The following ZFHX3 variants were observed in gnomAD, a reference collection of about 807,000 sequenced individuals.
ZFHX3 encodes zinc finger homeobox 3.
Under a neutral mutation model 279.1 loss-of-function variants are expected in ZFHX3, and 42 were observed. That is an observed-to-expected ratio of 0.15 (90% CI 0.12 to 0.19). ZFHX3 has a LOEUF of 0.19. Ranked by LOEUF, ZFHX3 falls within the 10% of genes least tolerant of loss-of-function variation. The pLI, the probability that ZFHX3 is intolerant of heterozygous loss-of-function variation, is 1.00. For synonymous variants in ZFHX3, 2,293 were observed against 1,957.8 expected (o/e 1.17, Z -4.52); for missense variants, 4,981 against 4,754.0 (o/e 1.05, Z -1.40).
intron 2 of ZFHX3, among the ~76,000 whole-genome samples, chr16:73,511,153 T>G (rs1470287255): frequency 6.6e-6 from 1 of 152,170 alleles, no homozygotes; most frequent in African/African-American, 2.4e-5. Context: ...GCTTCTACCT[T>G]TTATTATCTG....
At chr16:72,948,470 C>A (rs1960813912) in intron 3 of ZFHX3, among the ~76,000 whole-genome samples, 1 of 152,194 alleles carries the variant, frequency 6.6e-6, no homozygotes, top group Admixed American at 6.5e-5. Context: ...CTTCCAACCA[C>A]ACCTCACCCT....
intron 1 of ZFHX3, among the ~76,000 whole-genome samples, chr16:73,725,540 A>AGT (rs35247672): frequency 0.03 from 4,512 of 148,300 alleles, 243 homozygotes; most frequent in African/African-American, 0.1. Context: ...AGTGTGAGTG[A>AGT]GTGTGTGTGT....
chr16:73,469,627 A>AT (rs763176124), intron 2 of ZFHX3, among the ~76,000 whole-genome samples: 103 of 149,978 alleles, frequency 6.9e-4, no homozygotes, highest in Admixed American at 1.2e-3. Flanking sequence ...ATATATATAT[A>AT]TTTTTTTTGA....
chr16:73,433,627 A>G (rs1354905251), intron 3 of ZFHX3, among the ~76,000 whole-genome samples: 1 of 152,178 alleles, frequency 6.6e-6, no homozygotes, highest in Non-Finnish European at 1.5e-5. Flanking sequence ...GCATACACAC[A>G]GGGGGACCAT....
intron 2 of ZFHX3, among the ~76,000 whole-genome samples, chr16:73,458,462 G>A (rs974691278): frequency 1.0e-4 from 15 of 150,170 alleles, no homozygotes; most frequent in African/African-American, 2.5e-4. Flanking sequence ...TGCAACCTCC[G>A]CCTCCCGGGT....
intron 2 of ZFHX3, among the ~76,000 whole-genome samples, chr16:73,589,839 A>C (rs2051975532): frequency 6.6e-6 from 1 of 151,944 alleles, no homozygotes; most frequent in East Asian, 1.9e-4. Flanking sequence ...ATAAACTAGA[A>C]ATGCAATGCC....
At chr16:73,880,120 T>C (rs2030094730) in intron 1 of ZFHX3, among the ~76,000 whole-genome samples, 1 of 152,058 alleles carries the variant, frequency 6.6e-6, no homozygotes, top group Non-Finnish European at 1.5e-5. Flanking sequence ...TTCCTGACCT[T>C]TCCAAAGGCC....
intron 2 of ZFHX3, among the ~76,000 whole-genome samples, chr16:73,494,973 C>T (rs935389855): frequency 6.6e-6 from 1 of 152,156 alleles, no homozygotes; most frequent in African/African-American, 2.4e-5. Flanking sequence ...TGTTGAGTTC[C>T]ACTCGCCTTG....
At chr16:73,564,275 C>T (rs1207785489) in intron 2 of ZFHX3, among the ~76,000 whole-genome samples, 2 of 152,146 alleles carry the variant, frequency 1.3e-5, no homozygotes, top group African/African-American at 2.4e-5. Context: ...CCCCAGGTGC[C>T]CTGGGCCAAG....
chr16:73,353,342 C>T (rs965793398), intron 3 of ZFHX3, among the ~76,000 whole-genome samples: 1 of 152,200 alleles, frequency 6.6e-6, no homozygotes, highest in Non-Finnish European at 1.5e-5. Flanking sequence ...GCAAGGACTG[C>T]CATCCATTTA....
chr16:73,056,940 G>C (rs1965568892), intron 1 of ZFHX3, among the ~76,000 whole-genome samples: 1 of 152,170 alleles, frequency 6.6e-6, no homozygotes, highest in South Asian at 2.1e-4. Flanking sequence ...GAAAGGGCTC[G>C]AGTCTTTTTT....
At chr16:72,880,000 T>A (rs1442886157) in intron 4 of ZFHX3, among the ~76,000 whole-genome samples, 1 of 152,076 alleles carries the variant, frequency 6.6e-6, no homozygotes, top group Admixed American at 6.5e-5. Context: ...CTAACAAGTG[T>A]CTTTGAGCAC....
intron 1 of ZFHX3, among the ~76,000 whole-genome samples, chr16:73,043,614 G>A (rs189129578): frequency 7.2e-5 from 11 of 152,236 alleles, no homozygotes; most frequent in Non-Finnish European, 1.3e-4. Flanking sequence ...CCTAGACCAC[G>A]GCCTTGTCCT....
chr16:73,412,921 A>G (rs557238850), intron 3 of ZFHX3, among the ~76,000 whole-genome samples: 4 of 152,206 alleles, frequency 2.6e-5, no homozygotes, highest in Non-Finnish European at 4.4e-5. Context: ...GAAGAGCAAT[A>G]ATACAGATGC....
intron 1 of ZFHX3, among the ~76,000 whole-genome samples, chr16:73,688,372 A>AAG (rs2053113411): frequency 1.3e-5 from 2 of 151,766 alleles, no homozygotes; most frequent in South Asian, 4.2e-4. Flanking sequence ...AAAAAAAAAA[A>AAG]AAATTGTATC....
In ZFHX3 at chr16:72,797,069, G is replaced by C. The variant is rs777963608; in HGVS notation, c.5613C>G (p.Ser1871Arg). ...ATTTGTTCTTCTTTTCGGGGTGCTG[G>C]CTTGGCTGAAGGAGGGCAGAGTGAC... is the stretch of plus-strand genomic sequence containing the variant. ...AQSHSALLQP[S>R]QHPEKKNKLV... The change falls in exon 9 of 10, where the codon AGC becomes AGG. Residue 1871 changes from serine to arginine, a missense_variant. By Grantham distance (110) the Ser-to-Arg change is moderately radical. This residue lies in a region of ZFHX3 where 1,751 missense variants were observed against 1,770.0 expected (regional missense o/e 0.99). Coordinates refer to ENST00000268489, the MANE Select transcript of ZFHX3 (RefSeq NM_006885.4). The C allele has an allele frequency of 6.2e-7, 1 of 1,613,924 alleles. No homozygotes were observed. The highest frequency in any genetic ancestry group is 8.5e-7 in the Non-Finnish European group (1 of 1,179,994).
At chr16:73,352,879 G>A (rs373444896) in intron 3 of ZFHX3, among the ~76,000 whole-genome samples, 6 of 152,236 alleles carry the variant, frequency 3.9e-5, no homozygotes, top group Non-Finnish European at 7.4e-5. Context: ...TCAATCAGCC[G>A]TGCTATCCAG....
At chr16:73,419,424 C>G (rs944439805) in intron 3 of ZFHX3, among the ~76,000 whole-genome samples, 4 of 152,142 alleles carry the variant, frequency 2.6e-5, no homozygotes, top group East Asian at 3.8e-4. Context: ...ATGTAACATT[C>G]CTTTGCTTAA....
chr16:73,089,149 G>T (rs1966043196), intron 8 of ZFHX3, among the ~76,000 whole-genome samples: 1 of 151,966 alleles, frequency 6.6e-6, no homozygotes. Flanking sequence ...TGTCGCCCAG[G>T]CTGGAGTGCA....
Sources: allele counts gnomAD v4.1 joint callset (sites outside exome capture counted in the v4.1 genomes callset), GRCh38; gene constraint gnomAD v4.1.1; regional missense constraint gnomAD v4.1.1; transcripts MANE v1.5; gene names NCBI Gene and HGNC (gene_info 2026-07-23, HGNC 2026-07-21).